The following PTPRN2 variants were observed in gnomAD, a reference collection of about 807,000 sequenced individuals.
The protein encoded by PTPRN2 is protein tyrosine phosphatase receptor type N2, also known as receptor-type tyrosine-protein phosphatase N2.
PTPRN2 carries 74 observed loss-of-function variants against 118.8 expected under a neutral mutation model. The observed-to-expected ratio is 0.62, with a 90% CI of 0.52 to 0.76. PTPRN2 has a LOEUF of 0.76. Ranked by LOEUF, PTPRN2 falls within the 30% of genes least tolerant of loss-of-function variation. The probability of loss-of-function intolerance (pLI) is 0.00; values close to 1 mark genes in which losing one functional copy is unlikely to be tolerated. For synonymous variants in PTPRN2, 641 were observed against 608.0 expected (o/e 1.05, Z -0.80); for missense variants, 1,481 against 1,394.4 (o/e 1.06, Z -0.99).
intron 14 of PTPRN2, among the ~76,000 whole-genome samples, chr7:157,636,306 G>T (rs941551529): frequency 6.6e-6 from 1 of 152,024 alleles, no homozygotes; most frequent in Admixed American, 6.6e-5. Flanking sequence ...AGTTAATAAG[G>T]GAAATATGTT....
At chr7:158,450,782 G>A (rs1358692052) in intron 2 of PTPRN2, among the ~76,000 whole-genome samples, 3 of 152,240 alleles carry the variant, frequency 2.0e-5, no homozygotes, top group Admixed American at 1.3e-4. Context: ...CCAGCCTGGG[G>A]AGACTGTAAA....
intron 3 of PTPRN2, among the ~76,000 whole-genome samples, chr7:158,294,927 G>A (rs1289451496): frequency 1.9e-4 from 26 of 134,220 alleles, no homozygotes; most frequent in African/African-American, 5.5e-4. Flanking sequence ...CACTTTCCAC[G>A]CGCGTGGTTC....
intron 17 of PTPRN2, among the ~76,000 whole-genome samples, chr7:157,584,241 C>A (rs1800543062): frequency 6.6e-6 from 1 of 152,196 alleles, no homozygotes; most frequent in Non-Finnish European, 1.5e-5. Flanking sequence ...CTACTTAGAT[C>A]TTTTGTGATG....
intron 12 of PTPRN2, among the ~76,000 whole-genome samples, chr7:157,775,385 G>A (rs1044354676): frequency 1.3e-5 from 2 of 152,214 alleles, no homozygotes; most frequent in Non-Finnish European, 1.5e-5. Flanking sequence ...TCTCCCATAG[G>A]CATAACGGGG....
intron 12 of PTPRN2, among the ~76,000 whole-genome samples, chr7:157,770,598 A>T (rs1340667600): frequency 6.6e-6 from 1 of 152,210 alleles, no homozygotes; most frequent in Non-Finnish European, 1.5e-5. Flanking sequence ...TTTGTTAAAA[A>T]TTAGCGCTAT....
At chr7:157,727,260 A>G (rs1799652947) in intron 12 of PTPRN2, among the ~76,000 whole-genome samples, 1 of 152,210 alleles carries the variant, frequency 6.6e-6, no homozygotes, top group African/African-American at 2.4e-5. Context: ...GAGGAGCAAA[A>G]TGTGGTCCAT....
At chr7:157,559,007 G>A (rs748239177) in intron 21 of PTPRN2, among the ~76,000 whole-genome samples, 5 of 152,234 alleles carry the variant, frequency 3.3e-5, no homozygotes, top group South Asian at 4.1e-4. Flanking sequence ...GGAGGGAGCC[G>A]AGGGGCCGCG....
chr7:158,374,504 A>G (rs1810345790), intron 2 of PTPRN2, among the ~76,000 whole-genome samples: 1 of 152,218 alleles, frequency 6.6e-6, no homozygotes, highest in African/African-American at 2.4e-5. Context: ...ATCTGTAAAA[A>G]GGATTGTACA....
Position 157,682,869 on chromosome 7 carries a change from G to A in PTPRN2, c.1857C>T (p.Thr619=). ...QEDSTKFIAL[T]LVSLACILGV... is the part of the protein sequence containing the mutation. ...CCAGGATGCAGGCGAGGGAGACCAG[G>A]GTGAGCGCGATGAACTTGGTGGAGT... Residue 619 remains threonine (T), a synonymous_variant, in exon 13 of 23, where the codon ACC becomes ACT. Transcript: ENST00000389418. 8 of 1,614,042 alleles carry A rather than the reference G, an allele frequency of 5.0e-6. No individual in the cohort carries two copies. The highest frequency in any genetic ancestry group is 6.8e-6 in the Non-Finnish European group (8 of 1,179,978).
intron 3 of PTPRN2, among the ~76,000 whole-genome samples, chr7:158,285,783 G>A (rs1799730102): frequency 3.9e-5 from 6 of 152,218 alleles, no homozygotes; most frequent in Admixed American, 3.9e-4. Context: ...CAAAACCTCA[G>A]TCCTTGGGTT....
rs1006266022 is a variant in PTPRN2 at position 157,550,844 on chromosome 7, C to T, written c.2903-1825G>A. 3.3e-5 allele frequency among the ~76,000 whole-genome samples: 5 copies of T among 152,214 alleles called. No homozygotes were observed. Among genetic ancestry groups the T allele is most frequent in the Admixed American group, 6.5e-5 (1 of 15,276 alleles). On this transcript the variant is annotated intron_variant, in intron 21 of 22. Coordinates refer to ENST00000389418, the MANE Select transcript of PTPRN2 (RefSeq NM_002847.5). This position sits in a 1 kb window ranked among gnomAD's most constrained non-coding sequence, Gnocchi z 5.2. ...TCAGGTGCACGGGTTTGCTTAATTGCTCCTTTTGGGTCTCCAAAGGCCTAA... is the reference window on the plus strand; with the variant it reads ...TCAGGTGCACGGGTTTGCTTAATTGTTCCTTTTGGGTCTCCAAAGGCCTAA...
intron 3 of PTPRN2, among the ~76,000 whole-genome samples, chr7:158,244,573 AGT>A (rs1454856225): frequency 2.0e-5 from 3 of 151,702 alleles, no homozygotes; most frequent in Non-Finnish European, 4.4e-5. Flanking sequence ...TGTGAAAATG[AGT>A]GTGTGAGCGT....
At chr7:157,642,832 A>AAAAAAC (rs1804769162) in intron 14 of PTPRN2, among the ~76,000 whole-genome samples, 3 of 144,790 alleles carry the variant, frequency 2.1e-5, no homozygotes, top group Non-Finnish European at 3.0e-5. Context: ...AAAAAAAAAA[A>AAAAAAC]AAAAAAAAAA....
At chr7:158,366,439 A>ACACG (rs2151306332) in intron 2 of PTPRN2, among the ~76,000 whole-genome samples, 1 of 151,598 alleles carries the variant, frequency 6.6e-6, no homozygotes, top group Admixed American at 6.6e-5. Context: ...GCACGCGTGC[A>ACACG]CACGCACACA....
intron 19 of PTPRN2, among the ~76,000 whole-genome samples, chr7:157,573,416 G>A (rs550366850): frequency 6.6e-5 from 10 of 152,354 alleles, no homozygotes; most frequent in Admixed American, 3.9e-4. Flanking sequence ...TTCCTGCTGT[G>A]TTTCACACCT....
chr7:158,156,213 G>A lies in PTPRN2; in HGVS notation c.910+10718C>T, dbSNP rs570735502. On this transcript the variant is annotated intron_variant, in intron 6 of 22. Transcript: ENST00000389418. Reference sequence around the variant, plus strand: ...ACAGGGCTCAGCATTCACCCAGTCTGACACTTTCTCTATTGAATGCAATAC... The same window carrying A: ...ACAGGGCTCAGCATTCACCCAGTCTAACACTTTCTCTATTGAATGCAATAC... 4.6e-5 allele frequency among the ~76,000 whole-genome samples: 7 copies of A among 152,220 alleles called. No individual in the cohort carries two copies. In the East Asian group the frequency reaches 1.3e-3, roughly 29 times the overall value.
rs544428120 is a variant in PTPRN2, at chr7:158,061,984, G to A, written c.1723+19314C>T. Among the ~76,000 whole-genome samples, 465 of 152,390 alleles carry A rather than the reference G, an allele frequency of 3.1e-3. 3 individuals carry two copies. The highest frequency in any genetic ancestry group is 5.2e-3 in the Non-Finnish European group (354 of 68,040). On this transcript the variant is annotated intron_variant, in intron 11 of 22. Coordinates refer to ENST00000389418, the MANE Select transcript of PTPRN2 (RefSeq NM_002847.5). Reference sequence around the variant, plus strand: ...CCCATGCGTGGTGTCCCACGAAGGCGGAGCTGGGCATGAGCACGGCCATGG... The same window carrying A: ...CCCATGCGTGGTGTCCCACGAAGGCAGAGCTGGGCATGAGCACGGCCATGG...
chr7:157,947,308 G>A (rs1441695858), intron 11 of PTPRN2, among the ~76,000 whole-genome samples: 4 of 152,170 alleles, frequency 2.6e-5, no homozygotes, highest in African/African-American at 9.7e-5. Context: ...GACTGTTCTG[G>A]GATTCTGTAG....
chr7:158,013,431 G>T (rs542422390), intron 11 of PTPRN2, among the ~76,000 whole-genome samples: 19 of 150,794 alleles, frequency 1.3e-4, no homozygotes, highest in East Asian at 1.2e-3. Context: ...CCTCCAGCCT[G>T]CCTTCCTTCC....
Sources: gnomAD v4.1 joint callset for allele counts (sites outside exome capture counted in the v4.1 genomes callset) on GRCh38, gnomAD v4.1.1 for gene constraint, Gnocchi (gnomAD v3.1) non-coding constraint, MANE v1.5 for transcripts, NCBI Gene and HGNC (gene_info 2026-07-23, HGNC 2026-07-21) for gene names.